PTPRN2: variants seen among roughly 807,000 people sequenced by gnomAD.
PTPRN2 encodes the protein receptor-type tyrosine-protein phosphatase N2.
Under a neutral mutation model 118.8 loss-of-function variants are expected in PTPRN2, and 74 were observed. That is an observed-to-expected ratio of 0.62 (90% CI 0.52 to 0.76). The LOEUF (loss-of-function observed/expected upper bound fraction) is 0.76. Ranked by LOEUF, PTPRN2 falls within the 30% of genes least tolerant of loss-of-function variation. The pLI is 0.00. For missense variants in PTPRN2, 1,481 were observed against 1,394.4 expected, an observed-to-expected ratio of 1.06 and a Z score of -0.99; for synonymous variants, 641 against 608.0, an observed-to-expected ratio of 1.05 and a Z score of -0.80.
At chr7:158,204,355 T>G (rs1467041638) in intron 4 of PTPRN2, among the ~76,000 whole-genome samples, 1 of 152,230 alleles carries the variant, frequency 6.6e-6, no homozygotes, top group Non-Finnish European at 1.5e-5. Context: ...TCTCCACACG[T>G]TCTCACTCTT....
intron 9 of PTPRN2, among the ~76,000 whole-genome samples, chr7:158,111,758 C>T (rs527961443): frequency 1.0e-3 from 158 of 152,248 alleles, no homozygotes; most frequent in South Asian, 3.5e-3. Flanking sequence ...GGTTCACATT[C>T]TAGAGATGCT....
At chr7:158,108,989 AAG>A (rs1005272927) in intron 10 of PTPRN2, among the ~76,000 whole-genome samples, 9 of 152,150 alleles carry the variant, frequency 5.9e-5, no homozygotes, top group Non-Finnish European at 1.2e-4. Context: ...GCCCTGTGTG[AAG>A]AGTCAGTGAG....
chr7:158,430,061 C>CCA (rs1236984228), intron 2 of PTPRN2, among the ~76,000 whole-genome samples: 1 of 152,128 alleles, frequency 6.6e-6, no homozygotes, highest in African/African-American at 2.4e-5. Context: ...GTGCACGCTA[C>CCA]CACGCCCAGC....
chr7:158,077,889 C>A (rs574582977), intron 11 of PTPRN2, among the ~76,000 whole-genome samples: 1 of 152,244 alleles, frequency 6.6e-6, no homozygotes, highest in South Asian at 2.1e-4. Context: ...TTCTCTTCTG[C>A]CAGTTCAACT....
chr7:158,294,348 A>G (rs1800318562), intron 3 of PTPRN2, among the ~76,000 whole-genome samples: 1 of 152,152 alleles, frequency 6.6e-6, no homozygotes, highest in Non-Finnish European at 1.5e-5. Flanking sequence ...AATAAGAAGG[A>G]TTTTTGTTTT....
intron 1 of PTPRN2, among the ~76,000 whole-genome samples, chr7:158,583,131 G>A (rs774194127): frequency 3.8e-4 from 58 of 152,144 alleles, no homozygotes; most frequent in Non-Finnish European, 6.5e-4. Context: ...AAGAAAAGTC[G>A]ATGAGTAACT....
chr7:158,263,484 G>C (rs996361164), intron 3 of PTPRN2, among the ~76,000 whole-genome samples: 1 of 152,256 alleles, frequency 6.6e-6, no homozygotes, highest in African/African-American at 2.4e-5. Flanking sequence ...CACAGGAGGG[G>C]CTTCCTCACC....
chr7:158,561,229 A>C (rs534457833), intron 1 of PTPRN2, among the ~76,000 whole-genome samples: 1 of 152,340 alleles, frequency 6.6e-6, no homozygotes, highest in South Asian at 2.1e-4. Flanking sequence ...AGAAGTAATA[A>C]CCCCAGTAAT....
chr7:157,594,149 G>C (rs926522586), intron 17 of PTPRN2, among the ~76,000 whole-genome samples: 1 of 152,226 alleles, frequency 6.6e-6, no homozygotes, highest in Non-Finnish European at 1.5e-5. Flanking sequence ...CGGAAACCCG[G>C]ATCTGTTCCA....
intron 11 of PTPRN2, among the ~76,000 whole-genome samples, chr7:158,025,463 G>A (rs935689380): frequency 6.6e-6 from 1 of 152,180 alleles, no homozygotes; most frequent in Non-Finnish European, 1.5e-5. Flanking sequence ...AGATTTTAGA[G>A]GCTGAATTGT....
rs1196095337 is a variant in PTPRN2 at position 157,763,715 on chromosome 7, G to A, written c.1789-80778C>T. Among the ~76,000 whole-genome samples, 1 of 152,026 alleles carries A rather than the reference G, an allele frequency of 6.6e-6. No homozygotes were observed. The highest frequency in any genetic ancestry group is 1.5e-5 in the Non-Finnish European group (1 of 68,004). Reference sequence around the variant, plus strand: ...CCTTGGATGCTGAGGGCTGGTGGCTGGTCCTCTCTTCGCAGTGCAGTCACT... The same window carrying A: ...CCTTGGATGCTGAGGGCTGGTGGCTAGTCCTCTCTTCGCAGTGCAGTCACT... On this transcript the variant is annotated intron_variant, in intron 12 of 22. Transcript: ENST00000389418. This position sits in a 1 kb window ranked among gnomAD's most constrained non-coding sequence, Gnocchi z 4.9.
At chr7:157,899,272 G>T (rs1447416336) in intron 11 of PTPRN2, among the ~76,000 whole-genome samples, 1 of 152,112 alleles carries the variant, frequency 6.6e-6, no homozygotes, top group Admixed American at 6.5e-5. Context: ...GCCTCACCCT[G>T]GTTTTCTCCT....
At chr7:158,314,796 C>G (rs1376404088) in intron 3 of PTPRN2, among the ~76,000 whole-genome samples, 1 of 152,276 alleles carries the variant, frequency 6.6e-6, no homozygotes, top group African/African-American at 2.4e-5. Flanking sequence ...CAAAAGCAGA[C>G]ACGTGTAGCA....
intron 14 of PTPRN2, among the ~76,000 whole-genome samples, chr7:157,652,391 G>A (rs539429121): frequency 6.6e-6 from 1 of 152,320 alleles, no homozygotes; most frequent in East Asian, 1.9e-4. Flanking sequence ...GTCTCACAGG[G>A]GAGAAGAAGG....
intron 12 of PTPRN2, among the ~76,000 whole-genome samples, chr7:157,817,847 G>A (rs1434395833): frequency 1.3e-5 from 2 of 152,024 alleles, no homozygotes; most frequent in South Asian, 2.1e-4. Context: ...GCGTATGTGT[G>A]TGGTGCGTGT....
intron 6 of PTPRN2, among the ~76,000 whole-genome samples, chr7:158,149,825 C>G (rs1820766405): frequency 6.6e-6 from 1 of 151,068 alleles, no homozygotes; most frequent in Non-Finnish European, 1.5e-5. Flanking sequence ...AAAGATAAAC[C>G]CAAGTGATGT....
intron 3 of PTPRN2, among the ~76,000 whole-genome samples, chr7:158,315,626 G>A (rs554863106): frequency 1.3e-5 from 2 of 152,242 alleles, no homozygotes; most frequent in Non-Finnish European, 2.9e-5. Context: ...TGGTGATTCC[G>A]CCTGGAAGGA....
intron 11 of PTPRN2, among the ~76,000 whole-genome samples, chr7:158,079,272 C>G (rs1262478300): frequency 6.6e-6 from 1 of 152,218 alleles, no homozygotes; most frequent in African/African-American, 2.4e-5. Context: ...TTCTGACTCA[C>G]ACAGCCACAG....
intron 2 of PTPRN2, among the ~76,000 whole-genome samples, chr7:158,358,618 T>G (rs552185624): frequency 6.6e-6 from 1 of 152,216 alleles, no homozygotes; most frequent in Non-Finnish European, 1.5e-5. Flanking sequence ...AGAATGGGAC[T>G]CAGCCTCAGA....
Sources: allele counts gnomAD v4.1 joint callset (sites outside exome capture counted in the v4.1 genomes callset), GRCh38; gene constraint gnomAD v4.1.1; non-coding constraint Gnocchi (gnomAD v3.1); transcripts MANE v1.5; gene names NCBI Gene and HGNC (gene_info 2026-07-23, HGNC 2026-07-21).